The following TRIT1 variants were observed in gnomAD, a reference collection of about 807,000 sequenced individuals.
TRIT1 encodes the protein tRNA dimethylallyltransferase.
In TRIT1, 43 loss-of-function variants were observed where a neutral mutation model predicts 51.2. The observed-to-expected ratio is 0.84, with a 90% CI of 0.66 to 1.08. TRIT1 has a LOEUF of 1.08. Ranked by LOEUF, TRIT1 falls within the 50% of genes least tolerant of loss-of-function variation. The pLI is 0.00. For synonymous variants in TRIT1, 184 were observed against 203.9 expected (o/e 0.90, Z 0.83); for missense variants, 528 against 578.4 (o/e 0.91, Z 0.89).
At chr1:39,859,278 A>AC (rs1643092470) in intron 1 of TRIT1, among the ~76,000 whole-genome samples, 1 of 139,286 alleles carries the variant, frequency 7.2e-6, no homozygotes, top group Non-Finnish European at 1.6e-5. Context: ...AAAAAAAAAA[A>AC]AAAAAAAAAA....
At chr1:39,862,960 A>G in intron 1 of TRIT1, 1 of 985,428 alleles carries the variant, frequency 1.0e-6, no homozygotes, top group Non-Finnish European at 1.2e-6. Flanking sequence ...ATGATTTGGA[A>G]TGAAATGCTT....
intron 1 of TRIT1, among the ~76,000 whole-genome samples, chr1:39,865,129 T>A (rs1643464071): frequency 6.6e-6 from 1 of 152,186 alleles, no homozygotes; most frequent in African/African-American, 2.4e-5. Context: ...ACTTTTCTAC[T>A]AAGCTCTCAA....
chr1:39,878,131 G>C (rs1332553019), intron 1 of TRIT1, among the ~76,000 whole-genome samples: 3 of 152,066 alleles, frequency 2.0e-5, no homozygotes, highest in Admixed American at 2.0e-4. Flanking sequence ...AATCATGGAA[G>C]GGCATGTGTT....
At chr1:39,844,268 A>G in intron 9 of TRIT1, 50 bp from the exon 10 acceptor site, 2 of 1,422,598 alleles carry the variant, frequency 1.4e-6, no homozygotes, top group Non-Finnish European at 2.0e-6. Flanking sequence ...AGATCTGGAT[A>G]TAATTCTCTA....
chr1:39,857,412 A>G lies in TRIT1; in HGVS notation c.180T>C (p.Tyr60=). ...EIVSADSMQV[Y]EGLDIITNKV... ...TGTTGGTGATGATGTCTAGGCCTTCATAGACCTAGGGGAAAGAAAATTAAC... is the reference window on the plus strand; with the variant it reads ...TGTTGGTGATGATGTCTAGGCCTTCGTAGACCTAGGGGAAAGAAAATTAAC... Residue 60 remains tyrosine (Y), a synonymous_variant, in exon 2 of 11, where the codon TAT becomes TAC. Transcript: ENST00000316891. The G allele has an allele frequency of 6.2e-7, 1 of 1,613,708 alleles. No homozygotes were observed. Among genetic ancestry groups the G allele is most frequent in the Non-Finnish European group, 8.5e-7 (1 of 1,179,782 alleles).
intron 1 of TRIT1, among the ~76,000 whole-genome samples, chr1:39,869,275 A>G (rs898404696): frequency 2.0e-4 from 31 of 152,098 alleles, no homozygotes; most frequent in Admixed American, 5.2e-4. Flanking sequence ...ACTGGTTTTC[A>G]TATTTTTTTG....
chr1:39,850,899 G>C (rs1249027922), intron 4 of TRIT1, among the ~76,000 whole-genome samples: 5 of 152,274 alleles, frequency 3.3e-5, no homozygotes, highest in African/African-American at 9.6e-5. Flanking sequence ...GGCTAATCCA[G>C]TGCTCTACTG....
intron 1 of TRIT1, chr1:39,862,916 T>A: frequency 1.0e-6 from 1 of 985,396 alleles, no homozygotes; most frequent in South Asian, 4.7e-5. Flanking sequence ...TTTCCCCTTC[T>A]CCCAAAGGAT....
intron 3 of TRIT1, 146 bp downstream of exon 3, chr1:39,853,824 G>T (rs78738576): frequency 0.022 from 13,530 of 605,864 alleles, 301 homozygotes; most frequent in East Asian, 0.094. Flanking sequence ...ACACATGGAG[G>T]TGGCATTTGC....
At chr1:39,852,988 T>C in intron 3 of TRIT1, 112 bp from the exon 4 acceptor site, 1 of 1,230,676 alleles carries the variant, frequency 8.1e-7, no homozygotes. Context: ...GATCTTGCCA[T>C]ATAGTGAGAG....
At chr1:39,874,274 G>C (rs1209217683) in intron 1 of TRIT1, among the ~76,000 whole-genome samples, 5 of 152,064 alleles carry the variant, frequency 3.3e-5, no homozygotes, top group Admixed American at 2.0e-4. Flanking sequence ...GTTGTCCTGT[G>C]CCTACTAGAA....
At chr1:39,857,757 C>T (rs1239666232) in intron 1 of TRIT1, among the ~76,000 whole-genome samples, 2 of 152,166 alleles carry the variant, frequency 1.3e-5, no homozygotes, top group African/African-American at 4.8e-5. Context: ...TTACTTATCA[C>T]AAGACTCCAG....
chr1:39,857,436 A>C lies in TRIT1; in HGVS notation c.175-19T>G, dbSNP rs533389786. On this transcript the variant is annotated intron_variant, in intron 1 of 10. Transcript: ENST00000316891. ...CATAGACCTAGGGGAAAGAAAATTA[A>C]CATGAGAAAGTCAACCACCTCCATA... 57 of 1,605,096 alleles carry C rather than the reference A, an allele frequency of 3.6e-5. No individual in the cohort carries two copies. In the South Asian group the frequency reaches 6.4e-4, roughly 18 times the overall value.
At chr1:39,861,031 G>A (rs1016930634) in intron 1 of TRIT1, among the ~76,000 whole-genome samples, 1 of 152,128 alleles carries the variant, frequency 6.6e-6, no homozygotes, top group African/African-American at 2.4e-5. Context: ...GAGCTGAGAT[G>A]GTGCCACTGC....
At chr1:39,877,019 C>CA (rs529375001) in intron 1 of TRIT1, among the ~76,000 whole-genome samples, 3,897 of 74,414 alleles carry the variant, frequency 0.052, 293 homozygotes, top group African/African-American at 0.15. Flanking sequence ...AATGGGTCTT[C>CA]AAAAAAAAAA....
intron 1 of TRIT1, among the ~76,000 whole-genome samples, chr1:39,863,188 G>T (rs572739803): frequency 5.9e-5 from 9 of 152,200 alleles, no homozygotes; most frequent in African/African-American, 9.7e-5. Context: ...TCCCATGGAC[G>T]GGCATGGTGG....
chr1:39,866,563 G>C (rs1303597812), intron 1 of TRIT1, among the ~76,000 whole-genome samples: 1 of 152,100 alleles, frequency 6.6e-6, no homozygotes, highest in East Asian at 1.9e-4. Context: ...CATAACTTCA[G>C]TAGGTTAGGA....
At chr1:39,847,907 A>G in intron 6 of TRIT1, 79 bp downstream of exon 6, 1 of 1,428,212 alleles carries the variant, frequency 7.0e-7, no homozygotes, top group East Asian at 2.3e-5. Flanking sequence ...AAGTAGACCC[A>G]AAGCCAGTAT....
rs1255300311 is a variant in TRIT1 at position 39,875,358 on chromosome 1, T to C, written c.174+7960A>G. On this transcript the variant is annotated intron_variant, in intron 1 of 10. Coordinates refer to ENST00000316891, the MANE Select transcript of TRIT1 (RefSeq NM_017646.6). ...CAAAAATTAGCCAGGCGTGGTGGCA[T>C]GCGTCTGTAATCCCAGCTACTCAGG... Among the ~76,000 whole-genome samples, 3 of 151,962 alleles carry C rather than the reference T, an allele frequency of 2.0e-5. No homozygotes were observed. In the East Asian group the frequency reaches 5.8e-4, roughly 29 times the overall value.
Sources: allele counts gnomAD v4.1 joint callset (sites outside exome capture counted in the v4.1 genomes callset), GRCh38; gene constraint gnomAD v4.1.1; transcripts MANE v1.5; gene names NCBI Gene and HGNC (gene_info 2026-07-23, HGNC 2026-07-21).